MAP3K19: variants seen among roughly 807,000 people sequenced by gnomAD.
The protein encoded by MAP3K19 is mitogen-activated protein kinase kinase kinase 19.
MAP3K19 carries 91 observed loss-of-function variants against 114.4 expected under a neutral mutation model. The observed-to-expected ratio is 0.80, with a 90% confidence interval of 0.67 to 0.95. MAP3K19 has a LOEUF of 0.95. Among genes scored for constraint, MAP3K19 ranks in the 40% least tolerant of loss-of-function variants. The pLI is 0.00. For missense variants in MAP3K19, 1,471 were observed against 1,573.2 expected, an observed-to-expected ratio of 0.94 and a Z score of 1.10; for synonymous variants, 518 against 530.5, an observed-to-expected ratio of 0.98 and a Z score of 0.32.
intron 3 of MAP3K19, among the ~76,000 whole-genome samples, chr2:135,026,052 C>T (rs1428039886): frequency 6.6e-6 from 1 of 152,176 alleles, no homozygotes; most frequent in Non-Finnish European, 1.5e-5. Context: ...GTAATATTCT[C>T]TTATGGACTT....
intron 12 of MAP3K19, among the ~76,000 whole-genome samples, chr2:134,972,929 T>G (rs577535380): frequency 8.1e-4 from 124 of 152,340 alleles, no homozygotes; most frequent in Admixed American, 1.6e-3. Context: ...TTTCCATGTA[T>G]TTATACAGTT....
chr2:134,991,654 T>C (rs905868402), intron 8 of MAP3K19, 74 bp from the exon 9 acceptor site: 5 of 1,254,362 alleles, frequency 4.0e-6, no homozygotes, highest in Non-Finnish European at 5.8e-6. Context: ...AGTCTGGGGA[T>C]GGAGTAATAC....
At chr2:134,976,951 A>T (rs1684276973) in intron 12 of MAP3K19, among the ~76,000 whole-genome samples, 1 of 151,452 alleles carries the variant, frequency 6.6e-6, no homozygotes, top group South Asian at 2.1e-4. Context: ...GGAGGCTGAG[A>T]CAGGAGAATT....
At chr2:134,972,747 C>T (rs1683967482) in intron 12 of MAP3K19, among the ~76,000 whole-genome samples, 1 of 152,180 alleles carries the variant, frequency 6.6e-6, no homozygotes, top group Admixed American at 6.5e-5. Flanking sequence ...AATCTTCATA[C>T]ATTTTTGATG....
In MAP3K19 at chr2:135,028,577, T is replaced by A. The variant is rs934320383; in HGVS notation, c.-95+1735A>T. ...TGTCTCAAAAAAAAAAAAAAAAATT[T>A]AAAAAAAACAACTAACTTACCTGTA... On this transcript the variant is annotated intron_variant, in intron 3 of 12. Coordinates refer to ENST00000392915, the MANE Select transcript of MAP3K19 (RefSeq NM_025052.5). Among the ~76,000 whole-genome samples, 54 of 150,624 alleles carry A rather than the reference T, an allele frequency of 3.6e-4. 1 individual carries two copies. The highest frequency in any genetic ancestry group is 1.7e-3 in the Admixed American group (25 of 15,104).
chr2:134,991,363 T>C, intron 9 of MAP3K19, 174 bp downstream of exon 9: 1 of 639,122 alleles, frequency 1.6e-6, no homozygotes. Flanking sequence ...AGTAGCTAAG[T>C]TTTGGGGGAA....
chr2:134,970,624 G>A (rs1391404900), intron 12 of MAP3K19, among the ~76,000 whole-genome samples: 1 of 140,378 alleles, frequency 7.1e-6, no homozygotes, highest in South Asian at 2.3e-4. Context: ...TTTAGATGGA[G>A]TCTCACTCTG....
In MAP3K19 at chr2:134,986,427, C is replaced by A; in HGVS notation, c.2445G>T (p.Met815Ile). ...SDLSIVEEVS[M>I]EESTGDRDIS... ...TGTCTCTATCACCAGTAGACTCTTCCATAGAAACTTCTTCAACAATGGATA... is the reference window on the plus strand; with the variant it reads ...TGTCTCTATCACCAGTAGACTCTTCAATAGAAACTTCTTCAACAATGGATA... The change falls in exon 10 of 13, where the codon ATG becomes ATT. Residue 815 changes from methionine (M) to isoleucine (I), a missense_variant. Met to Ile is a conservative substitution (Grantham distance 10). Transcript: ENST00000392915. 6.2e-7 allele frequency: 1 copy of A among 1,613,950 alleles called. No homozygotes were observed. Among genetic ancestry groups the A allele is most frequent in the East Asian group, 2.2e-5 (1 of 44,878 alleles).
At position 134,985,929 on chromosome 2, in the gene MAP3K19, A is replaced by C; in HGVS notation, c.2943T>G (p.Asp981Glu). 1 of 1,614,128 alleles carries C rather than the reference A, an allele frequency of 6.2e-7. No homozygotes were observed. Among genetic ancestry groups the C allele is most frequent in the Non-Finnish European group, 8.5e-7 (1 of 1,179,986 alleles). The change falls in exon 10 of 13, where the codon GAT (aspartate) becomes GAG (glutamate). Residue 981 changes from aspartate to glutamate, a missense_variant. Transcript: ENST00000392915. ...GCLAAELLAL[D>E]EKDNNSCQKM... The stretch of plus-strand genomic sequence containing the variant: ...TTTGGCAAGAGTTGTTATCTTTCTC[A>C]TCAAGAGCTAATAATTCTGCAGCTA...
chr2:135,030,859 C>G (rs1033658862), intron 2 of MAP3K19, among the ~76,000 whole-genome samples: 10 of 152,138 alleles, frequency 6.6e-5, no homozygotes, highest in African/African-American at 2.4e-4. Flanking sequence ...GAGTTCAAGG[C>G]CATCATGCAC....
intron 1 of MAP3K19, among the ~76,000 whole-genome samples, chr2:135,042,501 CAA>C (rs1168430275): frequency 1.7e-4 from 10 of 58,748 alleles, no homozygotes; most frequent in Non-Finnish European, 1.9e-4. Context: ...GACTCTGTCT[CAA>C]AAAAAAAAAA....
chr2:135,000,932 C>T (rs961603939), intron 6 of MAP3K19, among the ~76,000 whole-genome samples: 2 of 152,154 alleles, frequency 1.3e-5, no homozygotes, highest in Admixed American at 6.6e-5. Flanking sequence ...GTGAATCAGA[C>T]ATCCCTTTTC....
intron 8 of MAP3K19, among the ~76,000 whole-genome samples, chr2:134,994,481 T>C (rs1685841809): frequency 6.6e-6 from 1 of 152,168 alleles, no homozygotes; most frequent in Non-Finnish European, 1.5e-5. Context: ...CCTGGAGGGC[T>C]TGAAACAAAG....
At chr2:135,003,250 T>C (rs769852481) in intron 6 of MAP3K19, among the ~76,000 whole-genome samples, 27 of 152,202 alleles carry the variant, frequency 1.8e-4, no homozygotes, top group Non-Finnish European at 3.2e-4. Flanking sequence ...CCCCAGTCTA[T>C]GGTATTTTGT....
At chr2:135,025,372 C>CTTTTTTTTTT (rs1054458367) in intron 3 of MAP3K19, among the ~76,000 whole-genome samples, 2 of 70,136 alleles carry the variant, frequency 2.9e-5, no homozygotes, top group African/African-American at 7.1e-5. Context: ...ATGGCCTTTT[C>CTTTTTTTTTT]TTTTCTTTTT....
chr2:134,986,257 T>C lies in MAP3K19; in HGVS notation c.2615A>G (p.Lys872Arg), dbSNP rs1173633888. Reference sequence around the variant, plus strand: ...TTTACTAAGAGATGCTGTATTCTGCTTTTCTTGCTGTACATACTTGTTAGA... The same window carrying C: ...TTTACTAAGAGATGCTGTATTCTGCCTTTCTTGCTGTACATACTTGTTAGA... ...KNSNKYVQQE[K>R]QNTASLSKVN... Residue 872 changes from lysine (K) to arginine (R), a missense_variant, in exon 10 of 13, where the codon AAG becomes AGG. Coordinates refer to ENST00000392915, the MANE Select transcript of MAP3K19 (RefSeq NM_025052.5). The C allele has an allele frequency of 3.1e-6, 5 of 1,614,082 alleles. No homozygotes were observed. The South Asian group carries it at 5.5e-5, about 18-fold the overall frequency.
chr2:135,037,809 G>A (rs1264542005), intron 2 of MAP3K19, among the ~76,000 whole-genome samples: 2 of 152,082 alleles, frequency 1.3e-5, no homozygotes, highest in African/African-American at 2.4e-5. Flanking sequence ...CATGTTCAGG[G>A]GTCACCTGGT....
At position 134,985,880 on chromosome 2, in the gene MAP3K19, C is replaced by T; in HGVS notation, c.2992G>A (p.Glu998Lys). ...CQKMANETDP[E>K]NLNLVLRWRG... ...CATCTGAGGACAAGATTTAGGTTTT[C>T]AGGATCTGTTTCATTTGCCATTTTT... The change falls in exon 10 of 13, where the codon GAA becomes AAA. Residue 998 changes from glutamate (E) to lysine (K), a missense_variant. By Grantham distance (56) the Glu-to-Lys change is moderately conservative. Coordinates refer to ENST00000392915, the MANE Select transcript of MAP3K19 (RefSeq NM_025052.5). 8 of 1,614,014 alleles carry T rather than the reference C, an allele frequency of 5.0e-6. No homozygotes were observed. Among genetic ancestry groups the T allele is most frequent in the Non-Finnish European group, 6.8e-6 (8 of 1,179,960 alleles).
intron 5 of MAP3K19, among the ~76,000 whole-genome samples, chr2:135,009,514 A>G (rs1004559865): frequency 2.8e-4 from 43 of 152,088 alleles, no homozygotes; most frequent in Non-Finnish European, 8.8e-5. Flanking sequence ...TTTTATGCTG[A>G]GCTTTGAGAA....
Sources: allele counts gnomAD v4.1 joint callset (sites outside exome capture counted in the v4.1 genomes callset), GRCh38; gene constraint gnomAD v4.1.1; transcripts MANE v1.5; gene names NCBI Gene and HGNC (gene_info 2026-07-23, HGNC 2026-07-21).